PLCB1: variants seen among roughly 807,000 people sequenced by gnomAD.
The protein encoded by PLCB1 is 1-phosphatidylinositol 4,5-bisphosphate phosphodiesterase beta-1.
PLCB1 carries 46 observed loss-of-function variants against 161.8 expected under a neutral mutation model. That is an observed-to-expected ratio of 0.28 (90% CI 0.22 to 0.36). PLCB1 has a LOEUF of 0.36. Among genes scored for constraint, PLCB1 ranks in the 10% least tolerant of loss-of-function variants. The pLI, the probability that PLCB1 is intolerant of heterozygous loss-of-function variation, is 1.00. For synonymous variants in PLCB1, 517 were observed against 503.7 expected, an observed-to-expected ratio of 1.03 and a Z score of -0.35; for missense variants, 1,016 against 1,472.5, an observed-to-expected ratio of 0.69 and a Z score of 5.07.
At chr20:8,684,085 C>T (rs952392330) in intron 9 of PLCB1, among the ~76,000 whole-genome samples, 24 of 151,636 alleles carry the variant, frequency 1.6e-4, no homozygotes, top group East Asian at 9.8e-4. Context: ...GAGGTTTCAC[C>T]GTGTTAGCCA....
chr20:8,697,720 G>A lies in PLCB1; in HGVS notation c.1104G>A (p.Arg368=). The change falls in exon 11 of 32, where the codon CGG becomes CGA. Residue 368 remains arginine, a synonymous_variant. Transcript: ENST00000338037. ...TGGAGCTGGACTGCTGGAAGGGACG[G>A]ACTGCAGAAGAGGAACCTGTCATCA... The part of the protein sequence containing the change: ...RCVELDCWKG[R]TAEEEPVITH... 6.2e-7 allele frequency: 1 copy of A among 1,614,168 alleles called. No homozygotes were observed. The highest frequency in any genetic ancestry group is 8.5e-7 in the Non-Finnish European group (1 of 1,180,018).
chr20:8,699,010 C>T (rs544471830), intron 11 of PLCB1, among the ~76,000 whole-genome samples: 2 of 152,216 alleles, frequency 1.3e-5, no homozygotes, highest in South Asian at 4.1e-4. Context: ...GGGGTAGGGG[C>T]CATTGGAGTA....
At chr20:8,857,399 A>C (rs1043451682) in intron 31 of PLCB1, among the ~76,000 whole-genome samples, 9 of 152,328 alleles carry the variant, frequency 5.9e-5, no homozygotes, top group African/African-American at 2.2e-4. Flanking sequence ...AAATGTTGCT[A>C]TAGTTTATTT....
intron 3 of PLCB1, among the ~76,000 whole-genome samples, chr20:8,568,319 G>A (rs761842400): frequency 1.4e-4 from 22 of 152,118 alleles, no homozygotes; most frequent in Non-Finnish European, 1.5e-4. Context: ...CAGTTACTGC[G>A]TGGGCTTTTC....
chr20:8,451,714 C>T (rs1004360513), intron 3 of PLCB1, among the ~76,000 whole-genome samples: 7 of 152,092 alleles, frequency 4.6e-5, no homozygotes, highest in Admixed American at 2.0e-4. Flanking sequence ...TTCATCCCTT[C>T]GTTTCCTCCT....
At chr20:8,700,495 C>G (rs537203073) in intron 11 of PLCB1, among the ~76,000 whole-genome samples, 1 of 152,206 alleles carries the variant, frequency 6.6e-6, no homozygotes, top group Non-Finnish European at 1.5e-5. Flanking sequence ...CCCAGAGTCA[C>G]GGGCTGATTG....
intron 2 of PLCB1, among the ~76,000 whole-genome samples, chr20:8,307,517 G>T (rs545976853): frequency 1.3e-5 from 2 of 152,194 alleles, no homozygotes; most frequent in South Asian, 4.2e-4. Context: ...TTGTGCTTTT[G>T]GTTTGGTGGG....
At chr20:8,493,646 T>C (rs34742082) in intron 3 of PLCB1, among the ~76,000 whole-genome samples, 38,665 of 137,938 alleles carry the variant, frequency 0.28, 5,444 homozygotes, top group African/African-American at 0.37. Flanking sequence ...CACTGGAAGC[T>C]GAACCTCAGG....
intron 3 of PLCB1, among the ~76,000 whole-genome samples, chr20:8,531,032 A>G (rs886374331): frequency 1.1e-4 from 16 of 152,092 alleles, no homozygotes; most frequent in Admixed American, 9.8e-4. Context: ...AATTTAAACT[A>G]GGTTTTGATG....
At chr20:8,276,096 C>A (rs187208031) in intron 2 of PLCB1, among the ~76,000 whole-genome samples, 105 of 152,080 alleles carry the variant, frequency 6.9e-4, no homozygotes, top group African/African-American at 2.4e-3. Flanking sequence ...ATTCTAAACC[C>A]CAGCATCTTT....
intron 31 of PLCB1, among the ~76,000 whole-genome samples, chr20:8,878,489 G>A (rs533342447): frequency 3.2e-4 from 48 of 152,252 alleles, no homozygotes; most frequent in African/African-American, 1.0e-3. Flanking sequence ...CCAGTGACTC[G>A]TATGTGCCAA....
intron 31 of PLCB1, among the ~76,000 whole-genome samples, chr20:8,845,270 C>G (rs1227669861): frequency 6.6e-6 from 1 of 152,078 alleles, no homozygotes; most frequent in East Asian, 1.9e-4. Flanking sequence ...TCTCTTTGAA[C>G]ATATCTAAGC....
At chr20:8,733,966 C>CA (rs35865041) in intron 19 of PLCB1, among the ~76,000 whole-genome samples, 85,198 of 143,368 alleles carry the variant, frequency 0.59, 26,046 homozygotes, top group East Asian at 0.68. Flanking sequence ...CTAAAAAATA[C>CA]AAAAAAAAAC....
At chr20:8,220,421 T>C (rs1979341640) in intron 2 of PLCB1, among the ~76,000 whole-genome samples, 1 of 152,190 alleles carries the variant, frequency 6.6e-6, no homozygotes, top group African/African-American at 2.4e-5. Context: ...GAATGTTACC[T>C]TATTTAGAAA....
chr20:8,134,304 G>C (rs1221130103), intron 1 of PLCB1, among the ~76,000 whole-genome samples: 1 of 152,206 alleles, frequency 6.6e-6, no homozygotes, highest in Non-Finnish European at 1.5e-5. Context: ...GTGATGTGAT[G>C]ATGGATTTAC....
rs75984057 is a variant in PLCB1 at position 8,711,176 on chromosome 20, T to C, written c.1250+2424T>C. Among the ~76,000 whole-genome samples the C allele has an allele frequency of 2.8e-3, 430 of 152,354 alleles. 2 individuals carry two copies. The highest frequency in any genetic ancestry group is 4.1e-3 in the Non-Finnish European group (280 of 68,022). On this transcript the variant is annotated intron_variant, in intron 12 of 31. Transcript: ENST00000338037. ...AGAGATGGGATTCCAATCCAGTTAG[T>C]GTGGCTTCAAAATGCACACTTTTAA...
At chr20:8,664,279 A>G (rs2123342743) in intron 9 of PLCB1, among the ~76,000 whole-genome samples, 1 of 152,264 alleles carries the variant, frequency 6.6e-6, no homozygotes, top group South Asian at 2.1e-4. Context: ...GAAGCTCTAT[A>G]ATCCCTTTTA....
intron 3 of PLCB1, among the ~76,000 whole-genome samples, chr20:8,570,456 C>G (rs189719536): frequency 6.6e-6 from 1 of 152,168 alleles, no homozygotes; most frequent in East Asian, 1.9e-4. Flanking sequence ...TACATATATA[C>G]GAACACACCC....
At chr20:8,848,184 G>A (rs1162873377) in intron 31 of PLCB1, among the ~76,000 whole-genome samples, 3 of 152,128 alleles carry the variant, frequency 2.0e-5, no homozygotes, top group Non-Finnish European at 4.4e-5. Flanking sequence ...ACTCTAGAGG[G>A]AACACATTCA....
Sources: gnomAD v4.1 joint callset for allele counts (sites outside exome capture counted in the v4.1 genomes callset) on GRCh38, gnomAD v4.1.1 for gene constraint, MANE v1.5 for transcripts, NCBI Gene and HGNC (gene_info 2026-07-23, HGNC 2026-07-21) for gene names.